The following FHIT variants were observed in gnomAD, a reference collection of about 807,000 sequenced individuals.
FHIT encodes fragile histidine triad diadenosine triphosphatase.
Under a neutral mutation model 17.9 loss-of-function variants are expected in FHIT, and 19 were observed. That is an observed-to-expected ratio of 1.06 (90% CI 0.74 to 1.56). The LOEUF is 1.56. FHIT is among the 40% of genes most tolerant of loss of function. The pLI, the probability that FHIT is intolerant of heterozygous loss-of-function variation, is 0.00. For missense variants in FHIT, 248 were observed against 189.2 expected (o/e 1.31, Z -1.82); for synonymous variants, 81 against 69.7 (o/e 1.16, Z -0.81).
At chr3:61,236,139 A>G (rs2040224895) in intron 1 of FHIT, among the ~76,000 whole-genome samples, 1 of 148,932 alleles carries the variant, frequency 6.7e-6, no homozygotes, top group African/African-American at 2.4e-5. Context: ...GTAACAATAT[A>G]CTATATTTAC....
chr3:61,179,008 C>CTTTTTTTTTTTTTTTTTTT (rs778191387), intron 2 of FHIT, among the ~76,000 whole-genome samples: 2 of 127,624 alleles, frequency 1.6e-5, no homozygotes, highest in East Asian at 2.5e-4. Context: ...TTTTCTTTTT[C>CTTTTTTTTTTTTTTTTTTT]TTTTTTTTTT....
At chr3:61,074,198 T>A (rs1042530096) in intron 2 of FHIT, among the ~76,000 whole-genome samples, 4 of 152,290 alleles carry the variant, frequency 2.6e-5, no homozygotes, top group African/African-American at 4.8e-5. Flanking sequence ...CTAACCCATT[T>A]ATCTTATAGA....
At chr3:60,543,869 A>G (rs1032338402) in intron 4 of FHIT, among the ~76,000 whole-genome samples, 2 of 139,154 alleles carry the variant, frequency 1.4e-5, no homozygotes, top group African/African-American at 5.3e-5. Flanking sequence ...CTCAGCCTCC[A>G]GAGTAGCTGG....
chr3:60,095,613 G>A (rs370701646), intron 5 of FHIT, among the ~76,000 whole-genome samples: 86 of 152,310 alleles, frequency 5.6e-4, no homozygotes, highest in African/African-American at 2.0e-3. Context: ...AGCATGTAGA[G>A]GGAAAGCTGA....
At chr3:60,741,232 G>C (rs2042234643) in intron 4 of FHIT, among the ~76,000 whole-genome samples, 1 of 152,190 alleles carries the variant, frequency 6.6e-6, no homozygotes, top group Non-Finnish European at 1.5e-5. Context: ...AATAGCTAAA[G>C]AGTTCCTAAT....
intron 3 of FHIT, among the ~76,000 whole-genome samples, chr3:61,008,102 A>G (rs1290679071): frequency 6.6e-6 from 1 of 152,036 alleles, no homozygotes; most frequent in Non-Finnish European, 1.5e-5. Context: ...CTTACTAATC[A>G]CCTGCACACC....
intron 7 of FHIT, among the ~76,000 whole-genome samples, chr3:59,994,263 A>G (rs1472335403): frequency 1.3e-5 from 2 of 152,106 alleles, no homozygotes; most frequent in Admixed American, 1.3e-4. Flanking sequence ...GTTACCATCA[A>G]TGCAAATAGA....
chr3:60,815,990 T>A (rs987118498), intron 4 of FHIT, among the ~76,000 whole-genome samples: 6 of 151,948 alleles, frequency 3.9e-5, no homozygotes, highest in African/African-American at 1.4e-4. Flanking sequence ...TATACTTCTA[T>A]TTTTTCAGGC....
At chr3:61,215,836 T>C (rs997120754) in intron 1 of FHIT, among the ~76,000 whole-genome samples, 10 of 152,230 alleles carry the variant, frequency 6.6e-5, no homozygotes, top group African/African-American at 1.7e-4. Context: ...TCAGAAATAA[T>C]GCCGCATATC....
At chr3:60,785,993 A>G (rs1480226923) in intron 4 of FHIT, among the ~76,000 whole-genome samples, 1 of 152,084 alleles carries the variant, frequency 6.6e-6, no homozygotes, top group African/African-American at 2.4e-5. Flanking sequence ...TAAAGACAGA[A>G]GAATCCAATG....
intron 7 of FHIT, among the ~76,000 whole-genome samples, chr3:59,967,434 TA>T (rs1231013557): frequency 1.2e-4 from 18 of 152,104 alleles, no homozygotes; most frequent in African/African-American, 4.3e-4. Flanking sequence ...AACAAGGGAA[TA>T]ATGCAATGGA....
At chr3:61,032,066 A>T (rs1182933159) in intron 3 of FHIT, among the ~76,000 whole-genome samples, 1 of 152,166 alleles carries the variant, frequency 6.6e-6, no homozygotes, top group Non-Finnish European at 1.5e-5. Context: ...TTAGCAACCA[A>T]ATTATTACCA....
chr3:60,887,482 T>C (rs1013044594), intron 3 of FHIT, among the ~76,000 whole-genome samples: 23 of 151,654 alleles, frequency 1.5e-4, no homozygotes, highest in Admixed American at 3.9e-4. Context: ...CCATCTCTAC[T>C]AAAAAATACA....
chr3:59,929,636 CTA>C (rs1378253517), intron 7 of FHIT, among the ~76,000 whole-genome samples: 2 of 151,920 alleles, frequency 1.3e-5, no homozygotes, highest in Non-Finnish European at 2.9e-5. Flanking sequence ...ATCTATTGTT[CTA>C]TGTTTGTATA....
Position 59,911,003 on chromosome 3 carries a change from A to G in FHIT, c.348+11343T>C, listed in dbSNP as rs541854003. ...AAACAGGCAAGACTAGAATCTAACA[A>G]CAGGTATACTACAGTTTTTGAAATA... On this transcript the variant is annotated intron_variant, in intron 8 of 9. Transcript: ENST00000492590. Among the ~76,000 whole-genome samples the G allele has an allele frequency of 1.2e-3, 180 of 152,332 alleles. 2 individuals are homozygous for G. The highest frequency in any genetic ancestry group is 4.0e-3 in the African/African-American group (166 of 41,586).
chr3:60,944,371 G>A (rs1184648692), intron 3 of FHIT, among the ~76,000 whole-genome samples: 2 of 151,412 alleles, frequency 1.3e-5, no homozygotes, highest in African/African-American at 4.8e-5. Context: ...TCTGTTCTCA[G>A]TATCACTGGA....
intron 5 of FHIT, among the ~76,000 whole-genome samples, chr3:60,426,602 G>A (rs757905981): frequency 6.6e-6 from 1 of 152,044 alleles, no homozygotes; most frequent in Non-Finnish European, 1.5e-5. Flanking sequence ...TCTACAGAAA[G>A]CACTACAAAA....
chr3:60,277,492 C>T (rs1399836662), intron 5 of FHIT, among the ~76,000 whole-genome samples: 2 of 152,128 alleles, frequency 1.3e-5, no homozygotes, highest in African/African-American at 4.8e-5. Context: ...TCCATCTTCC[C>T]TTTTCTTTGC....
At chr3:59,903,783 G>A (rs1432602898) in intron 8 of FHIT, among the ~76,000 whole-genome samples, 17 of 152,182 alleles carry the variant, frequency 1.1e-4, no homozygotes, top group Admixed American at 1.1e-3. Flanking sequence ...GAGCCATAAG[G>A]AGGCAATTCG....
Sources: allele counts gnomAD v4.1 joint callset (sites outside exome capture counted in the v4.1 genomes callset), GRCh38; gene constraint gnomAD v4.1.1; transcripts MANE v1.5; gene names NCBI Gene and HGNC (gene_info 2026-07-23, HGNC 2026-07-21).